TRIM59: variants seen among roughly 807,000 people sequenced by gnomAD.
The protein encoded by TRIM59 is tripartite motif-containing protein 59.
Under a neutral mutation model 32.2 loss-of-function variants are expected in TRIM59, and 14 were observed. The observed-to-expected ratio is 0.43, with a 90% CI of 0.29 to 0.68. TRIM59 has a LOEUF of 0.68. Among genes scored for constraint, TRIM59 ranks in the 30% least tolerant of loss-of-function variants. TRIM59 has a pLI of 0.15. For synonymous variants in TRIM59, 163 were observed against 155.1 expected, an observed-to-expected ratio of 1.05 and a Z score of -0.38; for missense variants, 471 against 463.3, an observed-to-expected ratio of 1.02 and a Z score of -0.15.
rs919746750 is a variant in TRIM59 at position 160,436,744 on chromosome 3, G to A, written c.*1228C>T. Reference sequence around the variant, plus strand: ...ACCCGGGAGGCGGGGCTTGCAATGAGCCGAGATCACGCCACTGCACTCCAG... The same window carrying A: ...ACCCGGGAGGCGGGGCTTGCAATGAACCGAGATCACGCCACTGCACTCCAG... On this transcript the variant is annotated 3_prime_UTR_variant, in exon 3 of 3. Coordinates refer to ENST00000309784, the MANE Select transcript of TRIM59 (RefSeq NM_173084.3). 4.3e-6 allele frequency: 3 copies of A among 705,074 alleles called. No individual in the cohort carries two copies. The highest frequency in any genetic ancestry group is 8.5e-5 in the Admixed American group (1 of 11,770). 43.7% of individuals were successfully genotyped at this position (705,074 alleles called of 1,614,324 possible). A position where few individuals can be genotyped will look rare whatever the true frequency, so the allele number is the denominator to read the frequency against.
At chr3:160,442,817 G>C (rs1719325049) in intron 2 of TRIM59, among the ~76,000 whole-genome samples, 1 of 152,150 alleles carries the variant, frequency 6.6e-6, no homozygotes. Context: ...TGCTGCCTGA[G>C]AAGTAAACTA....
intron 2 of TRIM59, among the ~76,000 whole-genome samples, chr3:160,444,255 A>G (rs1305314363): frequency 6.6e-6 from 1 of 152,216 alleles, no homozygotes; most frequent in Non-Finnish European, 1.5e-5. Context: ...CTAGAAATAT[A>G]AAAGAAAATA....
In TRIM59 at chr3:160,449,643, C is replaced by T. The variant is rs1397343785; in HGVS notation, c.-74+74G>A. ...CTCCCCGCCCAACACACTAGGCACA[C>T]CAGACTGTGCTACAGGAAAAGAAAA... On this transcript the variant is annotated intron_variant, in intron 1 of 2. Transcript: ENST00000309784. 5 of 1,289,572 alleles carry T rather than the reference C, an allele frequency of 3.9e-6. No individual in the cohort carries two copies. The East Asian group carries it at 2.8e-4, about 72-fold the overall frequency. The allele number at this position is 1,289,572 out of a possible 1,614,324, so 79.9% of individuals were successfully genotyped here.
intron 1 of TRIM59, 55 bp downstream of exon 1, chr3:160,449,662 A>G (rs1719722164): frequency 7.8e-7 from 1 of 1,289,738 alleles, no homozygotes; most frequent in Non-Finnish European, 1.0e-6. Context: ...GCTACAGGAA[A>G]AGAAAAAGGA....
intron 2 of TRIM59, among the ~76,000 whole-genome samples, chr3:160,441,529 G>C (rs541246785): frequency 1.0e-3 from 154 of 152,208 alleles, no homozygotes; most frequent in African/African-American, 3.7e-3. Flanking sequence ...CGAGGTGGGT[G>C]AATCATGAGG....
In TRIM59 at chr3:160,448,726, T is replaced by C; in HGVS notation, c.-4A>G. ...TTATTTAATCTCCCAGATTACCTAC[T>C]TTGTTGATCTCGTGGTTTGGGGGCT... On this transcript the variant is annotated splice_region_variant and 5_prime_UTR_variant, in exon 2 of 3. Coordinates refer to ENST00000309784, the MANE Select transcript of TRIM59 (RefSeq NM_173084.3). 1 of 1,279,862 alleles carries C rather than the reference T, an allele frequency of 7.8e-7. No individual in the cohort carries two copies. The highest frequency in any genetic ancestry group is 1.2e-5 in the South Asian group (1 of 80,092). The allele number at this position is 1,279,862 out of a possible 1,614,324, so 79.3% of individuals were successfully genotyped here.
Position 160,437,379 on chromosome 3 carries a change from T to TTTAAAATGGCTTCAGAAA in TRIM59, c.*592_*593insTTTCTGAAGCCATTTTAA, listed in dbSNP as rs1719036612. 1.0e-6 allele frequency: 1 copy of TTTAAAATGGCTTCAGAAA among 963,264 alleles called. No individual in the cohort carries two copies. The highest frequency in any genetic ancestry group is 4.7e-5 in the South Asian group (1 of 21,054). 59.7% of individuals were successfully genotyped at this position (963,264 alleles called of 1,614,324 possible). ...AAAAATTTCTTTTAAAAAGCCACTT[T>TTTAAAATGGCTTCAGAAA]ACTCTAACAGTTATCCAAAAGCAAT... On this transcript the variant is annotated 3_prime_UTR_variant, in exon 3 of 3. Coordinates refer to ENST00000309784, the MANE Select transcript of TRIM59 (RefSeq NM_173084.3).
chr3:160,443,470 A>G (rs951003650), intron 2 of TRIM59, among the ~76,000 whole-genome samples: 4 of 152,192 alleles, frequency 2.6e-5, no homozygotes, highest in African/African-American at 4.8e-5. Flanking sequence ...CAGTTGGACA[A>G]TATAAGATCT....
chr3:160,442,376 G>A (rs1719297876), intron 2 of TRIM59, among the ~76,000 whole-genome samples: 1 of 152,048 alleles, frequency 6.6e-6, no homozygotes, highest in Admixed American at 6.6e-5. Flanking sequence ...GAGGCAAGGA[G>A]TTTGAGACCA....
intron 1 of TRIM59, 159 bp downstream of exon 1, chr3:160,449,558 G>A (rs887297318): frequency 7.8e-7 from 1 of 1,280,244 alleles, no homozygotes; most frequent in Non-Finnish European, 1.0e-6. Context: ...ACTCCAGTAT[G>A]GGACAAGAGG....
Position 160,436,062 on chromosome 3 carries a change from AGTAT to A in TRIM59, c.*1906_*1909del, listed in dbSNP as rs1262859399. 1 of 1,173,370 alleles carries A rather than the reference AGTAT, an allele frequency of 8.5e-7. No homozygotes were observed. Among genetic ancestry groups the A allele is most frequent in the Non-Finnish European group, 1.1e-6 (1 of 934,558 alleles). 72.7% of individuals were successfully genotyped at this position (1,173,370 alleles called of 1,614,324 possible). A position where few individuals can be genotyped will look rare whatever the true frequency, so the allele number is the denominator to read the frequency against. On this transcript the variant is annotated 3_prime_UTR_variant, in exon 3 of 3. Coordinates refer to ENST00000309784, the MANE Select transcript of TRIM59 (RefSeq NM_173084.3). Reference sequence around the variant, plus strand: ...AACTTAGTATTTTTATCTCTAGCTGAGTATGTGTCTCTCCTTACCTCTACTATGC... The same window carrying A: ...AACTTAGTATTTTTATCTCTAGCTGAGTGTCTCTCCTTACCTCTACTATGC...
At chr3:160,448,481 C>G (rs1364110973) in intron 2 of TRIM59, among the ~76,000 whole-genome samples, 3 of 152,196 alleles carry the variant, frequency 2.0e-5, no homozygotes, top group Non-Finnish European at 2.9e-5. Flanking sequence ...TGTACACATT[C>G]TTGTAAAATT....
In TRIM59 at chr3:160,435,973, C is replaced by T. The variant is rs1463028332; in HGVS notation, c.*1999G>A. The T allele has an allele frequency of 7.9e-7, 1 of 1,272,320 alleles. No homozygotes were observed. The highest frequency in any genetic ancestry group is 1.0e-6 in the Non-Finnish European group (1 of 981,568). 78.8% of individuals were successfully genotyped at this position (1,272,320 alleles called of 1,614,324 possible). ...ACACATAATGGCTAACATTTCATTG[C>T]TTACGTGTTTTTGAAACTACAGGGC... On this transcript the variant is annotated 3_prime_UTR_variant, in exon 3 of 3. Transcript: ENST00000309784.
At position 160,438,756 on chromosome 3, in the gene TRIM59, T is replaced by C; in HGVS notation, c.428A>G (p.Asp143Gly). 1 of 1,614,036 alleles carries C rather than the reference T, an allele frequency of 6.2e-7. No individual in the cohort carries two copies. The highest frequency in any genetic ancestry group is 8.5e-7 in the Non-Finnish European group (1 of 1,179,998). ...DLQSAYLKEK[D>G]TPQKLLEQLT... is the part of the protein sequence containing the mutation. ...CTGTTCAAGCAGTTTTTGAGGAGTG[T>C]CCTTTTCTTTCAAATAGGCACTTTG... is the stretch of plus-strand genomic sequence containing the variant. Residue 143 changes from aspartate (D) to glycine (G), a missense_variant, in exon 3 of 3, where the codon GAC becomes GGC. Asp to Gly is a moderately conservative substitution (Grantham distance 94). Coordinates refer to ENST00000309784, the MANE Select transcript of TRIM59 (RefSeq NM_173084.3).
chr3:160,444,280 AAAGC>A (rs1346721789), intron 2 of TRIM59, among the ~76,000 whole-genome samples: 2 of 152,224 alleles, frequency 1.3e-5, no homozygotes, highest in Non-Finnish European at 2.9e-5. Flanking sequence ...AAGAAATGTT[AAAGC>A]AGATAAAAGT....
intron 2 of TRIM59, among the ~76,000 whole-genome samples, chr3:160,440,295 C>T (rs575912914): frequency 1.0e-3 from 154 of 152,262 alleles, no homozygotes; most frequent in African/African-American, 3.7e-3. Context: ...AACTAGAGCA[C>T]TAAATGGTAA....
rs1442194881 is a variant in TRIM59 at position 160,436,041 on chromosome 3, T to C, written c.*1931A>G. 1.7e-6 allele frequency: 2 copies of C among 1,187,278 alleles called. No homozygotes were observed. The highest frequency in any genetic ancestry group is 2.1e-6 in the Non-Finnish European group (2 of 941,698). The allele number at this position is 1,187,278 out of a possible 1,614,324, so 73.5% of individuals were successfully genotyped here. On this transcript the variant is annotated 3_prime_UTR_variant, in exon 3 of 3. Transcript: ENST00000309784. ...AGTATTTTAAGTAATCAGTGCAACT[T>C]AGTATTTTTATCTCTAGCTGAGTAT...
rs141142462 is a variant in TRIM59, at chr3:160,435,900, AAG to A, written c.*2070_*2071del. On this transcript the variant is annotated 3_prime_UTR_variant, in exon 3 of 3. Coordinates refer to ENST00000309784, the MANE Select transcript of TRIM59 (RefSeq NM_173084.3). Reference sequence around the variant, plus strand: ...ACTTGTCAGTTCCCTCATCTACAAAAAGGGGGTTAAAAATATTCACATCACAG... The same window carrying A: ...ACTTGTCAGTTCCCTCATCTACAAAAGGGGTTAAAAATATTCACATCACAG... The A allele has an allele frequency of 1.5e-3, 1,851 of 1,253,086 alleles. 20 individuals are homozygous for A. The African/African-American group carries it at 0.025, about 17-fold the overall frequency. 77.6% of individuals were successfully genotyped at this position (1,253,086 alleles called of 1,614,324 possible).
At chr3:160,441,759 A>T (rs1245566338) in intron 2 of TRIM59, among the ~76,000 whole-genome samples, 2 of 150,818 alleles carry the variant, frequency 1.3e-5, no homozygotes, top group Non-Finnish European at 3.0e-5. Context: ...ATCTCAAAAA[A>T]AAAAAAAAAA....
Sources: allele counts gnomAD v4.1 joint callset (sites outside exome capture counted in the v4.1 genomes callset), GRCh38; gene constraint gnomAD v4.1.1; transcripts MANE v1.5; gene names NCBI Gene and HGNC (gene_info 2026-07-23, HGNC 2026-07-21).